Variants in GRID1 observed in about 807,000 individuals in gnomAD.
The protein encoded by GRID1 is glutamate ionotropic receptor delta type subunit 1, also known as glutamate receptor ionotropic, delta-1.
Under a neutral mutation model 98.0 loss-of-function variants are expected in GRID1, and 28 were observed. The ratio of observed to expected loss-of-function variants is 0.29; its 90% CI spans 0.21 to 0.39. The LOEUF (loss-of-function observed/expected upper bound fraction) is 0.39, where lower values mean the gene tolerates loss of function less well. Among genes scored for constraint, GRID1 ranks in the 10% least tolerant of loss-of-function variants. GRID1 has a pLI of 1.00. For synonymous variants in GRID1, 553 were observed against 538.5 expected, an observed-to-expected ratio of 1.03 and a Z score of -0.37; for missense variants, 1,111 against 1,340.5, an observed-to-expected ratio of 0.83 and a Z score of 2.67.
Position 85,892,237 on chromosome 10 carries a change from G to T in GRID1, c.781-23057C>A, listed in dbSNP as rs116046022. Among the ~76,000 whole-genome samples, 463 of 146,436 alleles carry T rather than the reference G, an allele frequency of 3.2e-3. 2 individuals carry two copies. Among genetic ancestry groups the T allele is most frequent in the African/African-American group, 0.011 (446 of 40,076 alleles). On this transcript the variant is annotated intron_variant, in intron 5 of 15. Coordinates refer to ENST00000327946, the MANE Select transcript of GRID1 (RefSeq NM_017551.3). ...AAAACAAAAAAAAAAACAGGAAAAA[G>T]ATCAACAGAGCATTAGTGAGAATAG...
Position 86,054,744 on chromosome 10 carries a change from T to A in GRID1, c.726+84075A>T, listed in dbSNP as rs1211067665. ...TTATTTAAGCCTCACAGCAAGGATA[T>A]GAGGTGGTGTAGAAGATTCACTGTA... On this transcript the variant is annotated intron_variant, in intron 4 of 15. Coordinates refer to ENST00000327946, the MANE Select transcript of GRID1 (RefSeq NM_017551.3). Among the ~76,000 whole-genome samples, 4 of 152,198 alleles carry A rather than the reference T, an allele frequency of 2.6e-5. No homozygotes were observed. The South Asian group carries it at 8.3e-4, about 32-fold the overall frequency.
Position 85,729,603 on chromosome 10 carries a change from C to G in GRID1, c.1245G>C (p.Trp415Cys), listed in dbSNP as rs751715889. 6.2e-7 allele frequency: 1 copy of G among 1,610,004 alleles called. No homozygotes were observed. The highest frequency in any genetic ancestry group is 8.5e-7 in the Non-Finnish European group (1 of 1,176,498). ...FGKDMRKLAT[W>C]DSEKGLNGSL... ...TGCCATTCAAGCCCTTCTCTGAGTC[C>G]CATGTCGCCAACTGTGAAGGAAAAA... The change falls in exon 9 of 16, where the codon TGG (tryptophan) becomes TGC (cysteine). Residue 415 changes from tryptophan to cysteine, a missense_variant. Trp to Cys is a radical substitution (Grantham distance 215). Transcript: ENST00000327946.
rs181052307 is a variant in GRID1 at position 86,300,632 on chromosome 10, T to A, written c.235+63309A>T. Among the ~76,000 whole-genome samples, 927 of 150,956 alleles carry A rather than the reference T, an allele frequency of 6.1e-3. 2 individuals are homozygous for A. Among genetic ancestry groups the A allele is most frequent in the Non-Finnish European group, 9.0e-3 (613 of 67,776 alleles). ...TGCAGCCTCCACCCTCCCAGGCTGA[T>A]CCTGGCCTGGGAATGGCAAAGACCA... On this transcript the variant is annotated intron_variant, in intron 2 of 15. Transcript: ENST00000327946.
intron 2 of GRID1, among the ~76,000 whole-genome samples, chr10:86,274,529 C>A (rs1397754140): frequency 6.6e-6 from 1 of 152,168 alleles, no homozygotes; most frequent in East Asian, 1.9e-4. Context: ...GATATTGATT[C>A]TTCCTACCCA....
chr10:86,242,729 C>T (rs1382798539), intron 2 of GRID1, among the ~76,000 whole-genome samples: 3 of 152,196 alleles, frequency 2.0e-5, no homozygotes, highest in Non-Finnish European at 4.4e-5. Flanking sequence ...CACCCTACTC[C>T]CAAGAATCAG....
chr10:86,011,484 A>T (rs910445262), intron 4 of GRID1, among the ~76,000 whole-genome samples: 14 of 152,352 alleles, frequency 9.2e-5, no homozygotes, highest in Middle Eastern at 3.4e-3. Flanking sequence ...GCATGAAGAG[A>T]TTAATGACAA....
chr10:86,055,923 A>G (rs554155022), intron 4 of GRID1, among the ~76,000 whole-genome samples: 2 of 152,194 alleles, frequency 1.3e-5, no homozygotes, highest in African/African-American at 2.4e-5. Context: ...GTACCCTGAT[A>G]TCGAACTTCC....
At chr10:86,312,772 G>T (rs983373417) in intron 2 of GRID1, among the ~76,000 whole-genome samples, 1 of 152,242 alleles carries the variant, frequency 6.6e-6, no homozygotes, top group Non-Finnish European at 1.5e-5. Flanking sequence ...CACATAGACT[G>T]CAGTGAACAG....
chr10:85,613,712 G>A, intron 14 of GRID1, 65 bp from the exon 15 acceptor site: 3 of 1,560,118 alleles, frequency 1.9e-6, no homozygotes, highest in Middle Eastern at 1.7e-4. Flanking sequence ...CGGGGCCCTG[G>A]CCCCTGCCCC....
At chr10:86,162,165 T>A in intron 3 of GRID1, among the ~76,000 whole-genome samples, 1 of 152,114 alleles carries the variant, frequency 6.6e-6, no homozygotes, top group South Asian at 2.1e-4. Flanking sequence ...TAGTAATTTA[T>A]CTAGATGGAC....
At chr10:86,016,815 C>G (rs1014325656) in intron 4 of GRID1, among the ~76,000 whole-genome samples, 1 of 152,196 alleles carries the variant, frequency 6.6e-6, no homozygotes, top group Non-Finnish European at 1.5e-5. Context: ...AAATGGTGAG[C>G]AGCTGGGTGG....
Sources: gnomAD v4.1 joint callset for allele counts (sites outside exome capture counted in the v4.1 genomes callset) on GRCh38, gnomAD v4.1.1 for gene constraint, MANE v1.5 for transcripts, NCBI Gene and HGNC (gene_info 2026-07-23, HGNC 2026-07-21) for gene names.